Variants in EPHB1 observed in about 807,000 individuals in gnomAD.
EPHB1 encodes the protein EPH receptor B1, also known as ephrin type-B receptor 1.
Under a neutral mutation model 94.4 loss-of-function variants are expected in EPHB1, and 30 were observed. That is an observed-to-expected ratio of 0.32 (90% CI 0.24 to 0.43). The LOEUF (loss-of-function observed/expected upper bound fraction) is 0.43. Among genes scored for constraint, EPHB1 ranks in the 20% least tolerant of loss-of-function variants. EPHB1 has a pLI of 1.00. For missense variants in EPHB1, 1,055 were observed against 1,308.3 expected (o/e 0.81, Z 2.99); for synonymous variants, 522 against 489.1 (o/e 1.07, Z -0.89).
At chr3:134,857,611 A>G (rs1052797658) in intron 1 of EPHB1, among the ~76,000 whole-genome samples, 2 of 151,934 alleles carry the variant, frequency 1.3e-5, no homozygotes, top group African/African-American at 4.8e-5. Context: ...GAAGGTGGTT[A>G]CTCACGGGAA....
intron 7 of EPHB1, 106 bp from the exon 8 acceptor site, chr3:135,165,862 C>T: frequency 2.7e-6 from 2 of 741,248 alleles, no homozygotes; most frequent in Non-Finnish European, 4.6e-6. Context: ...AGAAACTATC[C>T]TCTACATATA....
chr3:135,055,207 T>C lies in EPHB1; in HGVS notation c.806-51241T>C, dbSNP rs545190440. 5.3e-5 allele frequency among the ~76,000 whole-genome samples: 8 copies of C among 152,370 alleles called. No individual in the cohort carries two copies. The South Asian group carries it at 1.5e-3, about 28-fold the overall frequency. On this transcript the variant is annotated intron_variant, in intron 3 of 15. Transcript: ENST00000398015. Reference sequence around the variant, plus strand: ...ATCATTTGCTAAACGGTTCCTATAATGTTGGACATTTGGTTTGTATCTGTT... The same window carrying C: ...ATCATTTGCTAAACGGTTCCTATAACGTTGGACATTTGGTTTGTATCTGTT...
intron 3 of EPHB1, among the ~76,000 whole-genome samples, chr3:134,995,900 C>A (rs1934973811): frequency 6.7e-6 from 1 of 148,306 alleles, no homozygotes; most frequent in Admixed American, 6.7e-5. Flanking sequence ...TCCTATAATA[C>A]TGCTATGTAG....
chr3:135,118,233 G>A (rs1011360283), intron 4 of EPHB1, among the ~76,000 whole-genome samples: 3 of 152,154 alleles, frequency 2.0e-5, no homozygotes, highest in Admixed American at 6.5e-5. Flanking sequence ...CCAAGTCTTC[G>A]GAGACAGAGA....
chr3:135,058,862 G>A (rs922624811), intron 3 of EPHB1, among the ~76,000 whole-genome samples: 1 of 152,150 alleles, frequency 6.6e-6, no homozygotes, highest in Non-Finnish European at 1.5e-5. Context: ...TCTTATTACG[G>A]TGTACTTTTT....
At chr3:135,140,335 C>T (rs897946924) in intron 5 of EPHB1, among the ~76,000 whole-genome samples, 1 of 152,212 alleles carries the variant, frequency 6.6e-6, no homozygotes, top group African/African-American at 2.4e-5. Context: ...AACTGACTGG[C>T]ATCTCCAGGA....
At chr3:134,975,345 G>A (rs1934143019) in intron 3 of EPHB1, among the ~76,000 whole-genome samples, 1 of 152,106 alleles carries the variant, frequency 6.6e-6, no homozygotes, top group African/African-American at 2.4e-5. Context: ...GAACTGGGGT[G>A]GATTTCTGGG....
intron 1 of EPHB1, among the ~76,000 whole-genome samples, chr3:134,888,918 G>C (rs1430414985): frequency 6.6e-6 from 1 of 151,996 alleles, no homozygotes; most frequent in African/African-American, 2.4e-5. Flanking sequence ...GGGGAGGGGG[G>C]CCCTGCAAAA....
intron 1 of EPHB1, among the ~76,000 whole-genome samples, chr3:134,819,441 T>C (rs1475389989): frequency 1.3e-5 from 2 of 152,316 alleles, no homozygotes; most frequent in South Asian, 4.1e-4. Flanking sequence ...GACCAGTCTG[T>C]AGGTGTAAGC....
At chr3:134,797,723 G>C (rs978147332) in intron 1 of EPHB1, among the ~76,000 whole-genome samples, 18 of 152,180 alleles carry the variant, frequency 1.2e-4, no homozygotes, top group Non-Finnish European at 1.5e-4. Flanking sequence ...GCCTTCCGGA[G>C]CCACTTACCC....
At chr3:135,047,835 G>C (rs1294266491) in intron 3 of EPHB1, among the ~76,000 whole-genome samples, 2 of 151,646 alleles carry the variant, frequency 1.3e-5, no homozygotes, top group Non-Finnish European at 2.9e-5. Flanking sequence ...CAAAACTGGA[G>C]AGTATATTGA....
intron 1 of EPHB1, among the ~76,000 whole-genome samples, chr3:134,849,614 G>A (rs1195172762): frequency 6.6e-6 from 1 of 152,150 alleles, no homozygotes; most frequent in Admixed American, 6.5e-5. Context: ...ACTCTGGAGG[G>A]GGTAGTGGCA....
chr3:134,986,570 A>C (rs1200053427), intron 3 of EPHB1, among the ~76,000 whole-genome samples: 2 of 152,136 alleles, frequency 1.3e-5, no homozygotes, highest in African/African-American at 4.8e-5. Context: ...ACGCATCTGG[A>C]GGATGGAGGC....
chr3:134,833,800 G>A (rs1255428564), intron 1 of EPHB1, among the ~76,000 whole-genome samples: 3 of 152,114 alleles, frequency 2.0e-5, no homozygotes, highest in Non-Finnish European at 2.9e-5. Flanking sequence ...CAACAGAAGG[G>A]CAGAGGGTCA....
At chr3:135,217,866 C>T (rs1026201193) in intron 12 of EPHB1, among the ~76,000 whole-genome samples, 2 of 152,146 alleles carry the variant, frequency 1.3e-5, no homozygotes, top group African/African-American at 4.8e-5. Flanking sequence ...TCAGTCGGGT[C>T]GATCCATCTG....
chr3:135,060,633 A>T (rs1173771435), intron 3 of EPHB1, among the ~76,000 whole-genome samples: 1 of 152,020 alleles, frequency 6.6e-6, no homozygotes, highest in African/African-American at 2.4e-5. Context: ...ATTCTTTTTA[A>T]AACTTTTTTA....
At chr3:135,002,832 A>G (rs1935233164) in intron 3 of EPHB1, among the ~76,000 whole-genome samples, 3 of 151,638 alleles carry the variant, frequency 2.0e-5, no homozygotes, top group Non-Finnish European at 4.4e-5. Flanking sequence ...TATTGCGTCT[A>G]TTTGATTCTT....
chr3:134,901,517 T>A (rs2038203768), intron 1 of EPHB1, among the ~76,000 whole-genome samples: 1 of 152,262 alleles, frequency 6.6e-6, no homozygotes, highest in African/African-American at 2.4e-5. Flanking sequence ...ACCTGGAGGC[T>A]TGGGCAGGTT....
At chr3:134,888,549 A>G (rs768967942) in intron 1 of EPHB1, among the ~76,000 whole-genome samples, 1 of 151,858 alleles carries the variant, frequency 6.6e-6, no homozygotes, top group Non-Finnish European at 1.5e-5. Context: ...CTCTACTAAA[A>G]ATACAAAAAT....
Sources: allele counts gnomAD v4.1 joint callset (sites outside exome capture counted in the v4.1 genomes callset), GRCh38; gene constraint gnomAD v4.1.1; transcripts MANE v1.5; gene names NCBI Gene and HGNC (gene_info 2026-07-23, HGNC 2026-07-21).